SGPP2: variants seen among roughly 807,000 people sequenced by gnomAD.
SGPP2 encodes the protein sphingosine 1-phosphate phosphohydrolase 2.
A neutral mutation model predicts 33.9 loss-of-function variants in SGPP2; 30 were observed. That is an observed-to-expected ratio of 0.89 (90% CI 0.66 to 1.20). The LOEUF (loss-of-function observed/expected upper bound fraction) is 1.20. Ranked by LOEUF, SGPP2 falls within the 50% of genes most tolerant of loss-of-function variation. SGPP2 has a pLI of 0.00. For synonymous variants in SGPP2, 233 were observed against 225.0 expected (o/e 1.04, Z -0.32); for missense variants, 458 against 532.1 (o/e 0.86, Z 1.37).
intron 2 of SGPP2, among the ~76,000 whole-genome samples, chr2:222,518,445 A>G (rs1441781385): frequency 6.6e-6 from 1 of 152,166 alleles, no homozygotes; most frequent in East Asian, 1.9e-4. Flanking sequence ...TTAGGATGTG[A>G]GGATTTTAAG....
chr2:222,431,222 G>T (rs1431144409), intron 1 of SGPP2, among the ~76,000 whole-genome samples: 4 of 151,856 alleles, frequency 2.6e-5, no homozygotes. Flanking sequence ...GGCCAGGCAT[G>T]GTGGCTCTCT....
rs1013348929 is a variant in SGPP2 at position 222,477,327 on chromosome 2, GTC to G, written c.378+2603_378+2604del. On this transcript the variant is annotated intron_variant, in intron 2 of 4. Coordinates refer to ENST00000321276, the MANE Select transcript of SGPP2 (RefSeq NM_152386.4). This position sits in a 1 kb window ranked among gnomAD's most constrained non-coding sequence, Gnocchi z 6.0. ...TATATAGGTGTGAGTATATATGTGT[GTC>G]TATGTGTGTGTGTATAGGTGTGTAT... Among the ~76,000 whole-genome samples the G allele has an allele frequency of 1.2e-4, 17 of 145,512 alleles. No homozygotes were observed. Among genetic ancestry groups the G allele is most frequent in the African/African-American group, 1.9e-4 (7 of 37,316 alleles).
intron 2 of SGPP2, among the ~76,000 whole-genome samples, chr2:222,489,738 G>C (rs1443036323): frequency 6.6e-6 from 1 of 152,120 alleles, no homozygotes; most frequent in South Asian, 2.1e-4. Flanking sequence ...GGCCGAGGCA[G>C]GTGGATCACC....
intron 2 of SGPP2, among the ~76,000 whole-genome samples, chr2:222,514,894 C>G (rs950827988): frequency 6.6e-6 from 1 of 152,134 alleles, no homozygotes; most frequent in Non-Finnish European, 1.5e-5. Context: ...AACTTCAAAA[C>G]CACTTCCACA....
intron 2 of SGPP2, among the ~76,000 whole-genome samples, chr2:222,501,412 A>G (rs17563113): frequency 0.45 from 68,934 of 152,024 alleles, 18,595 homozygotes; most frequent in East Asian, 0.79. Flanking sequence ...GGTGACTTCT[A>G]GCTCTAACAG....
In SGPP2 at chr2:222,528,433, TA is replaced by T. The variant is rs567651232; in HGVS notation, c.648+3408del. Among the ~76,000 whole-genome samples, 155 of 151,464 alleles carry T rather than the reference TA, an allele frequency of 1.0e-3. 1 individual carries two copies. Among genetic ancestry groups the T allele is most frequent in the Non-Finnish European group, 1.8e-3 (121 of 67,896 alleles). Reference sequence around the variant, plus strand: ...AGTAAGTGTGCAATTACATTATGTCTAAAAAAAAGCAATGTACATATAATAT... The same window carrying T: ...AGTAAGTGTGCAATTACATTATGTCTAAAAAAAGCAATGTACATATAATAT... On this transcript the variant is annotated intron_variant, in intron 4 of 4. Transcript: ENST00000321276.
Position 222,424,676 on chromosome 2 carries a change from C to G in SGPP2, c.74C>G (p.Pro25Arg). 2 of 1,448,914 alleles carry G rather than the reference C, an allele frequency of 1.4e-6. No individual in the cohort carries two copies. The highest frequency in any genetic ancestry group is 1.8e-6 in the Non-Finnish European group (2 of 1,102,542). 89.8% of individuals were successfully genotyped at this position (1,448,914 alleles called of 1,614,324 possible). ...TTCCAGCGCCGCTGCGGGCTCTTCC[C>G]CGCTCCGGATGAAGGCCCCCGGGAG... Reference protein sequence around the residue: ...ARFQRRCGLFPAPDEGPRENG... With the variant: ...ARFQRRCGLFRAPDEGPRENG... Residue 25 changes from proline (P) to arginine (R), a missense_variant, in exon 1 of 5, where the codon CCC becomes CGC. Pro to Arg is a moderately radical substitution (Grantham distance 103, BLOSUM62 -2). Coordinates refer to ENST00000321276, the MANE Select transcript of SGPP2 (RefSeq NM_152386.4).
rs151054262 is a variant in SGPP2 at position 222,444,733 on chromosome 2, T to C, written c.219+19912T>C. Among the ~76,000 whole-genome samples, 434 of 152,226 alleles carry C rather than the reference T, an allele frequency of 2.9e-3. 4 individuals are homozygous for C. The highest frequency in any genetic ancestry group is 0.017 in the Middle Eastern group (5 of 294). On this transcript the variant is annotated intron_variant, in intron 1 of 4. Transcript: ENST00000321276. ...TTGCCTCCAAGACGCCTGATAGAAA[T>C]GTTAAGAGGATTTGAAACTTATCAA...
intron 1 of SGPP2, among the ~76,000 whole-genome samples, chr2:222,432,605 A>G: frequency 6.6e-6 from 1 of 152,262 alleles, no homozygotes; most frequent in East Asian, 1.9e-4. Flanking sequence ...AGACCCAGAC[A>G]TAAATGTTAG....
At chr2:222,542,411 T>C (rs1416183027) in intron 4 of SGPP2, among the ~76,000 whole-genome samples, 1 of 152,218 alleles carries the variant, frequency 6.6e-6, no homozygotes, top group African/African-American at 2.4e-5. Context: ...ATATGTACAT[T>C]TTCCTCTTGA....
intron 2 of SGPP2, among the ~76,000 whole-genome samples, chr2:222,492,231 C>G (rs1698208233): frequency 6.6e-6 from 1 of 152,190 alleles, no homozygotes; most frequent in African/African-American, 2.4e-5. Context: ...GGCTCCAACC[C>G]CACATTTCCT....
rs1689269322 is a variant in SGPP2 at position 222,550,237 on chromosome 2, A to G, written c.649-8110A>G. Among the ~76,000 whole-genome samples, 1 of 152,174 alleles carries G rather than the reference A, an allele frequency of 6.6e-6. No homozygotes were observed. The highest frequency in any genetic ancestry group is 1.5e-5 in the Non-Finnish European group (1 of 68,026). ...GGAGGAATGGTATATTGCTTATCATATAGATTCTTAGGGATATTTCTTTTT... is the reference window on the plus strand; with the variant it reads ...GGAGGAATGGTATATTGCTTATCATGTAGATTCTTAGGGATATTTCTTTTT... On this transcript the variant is annotated intron_variant, in intron 4 of 4. Transcript: ENST00000321276. The surrounding 1 kb of genome is among the most constrained non-coding windows in gnomAD (Gnocchi z 4.5).
chr2:222,558,651 C>T lies in SGPP2; in HGVS notation c.953C>T (p.Thr318Ile). ...PVIQNIPPLT[T>I]YMLVLGLTKF... ...ATTCAGAACATCCCACCACTCACCA[C>T]CTACATGTTAGTTTTGGGTCTGACC... Residue 318 changes from threonine to isoleucine, a missense_variant, in exon 5 of 5, where the codon ACC (threonine) becomes ATC (isoleucine). Thr to Ile is a moderately conservative substitution (Grantham distance 89, BLOSUM62 -1). Coordinates refer to ENST00000321276, the MANE Select transcript of SGPP2 (RefSeq NM_152386.4). The T allele has an allele frequency of 1.2e-6, 2 of 1,614,194 alleles. No homozygotes were observed. Among genetic ancestry groups the T allele is most frequent in the South Asian group, 1.1e-5 (1 of 91,088 alleles).
chr2:222,535,971 A>G (rs1043098622), intron 4 of SGPP2, among the ~76,000 whole-genome samples: 4 of 152,236 alleles, frequency 2.6e-5, no homozygotes, highest in African/African-American at 9.6e-5. Flanking sequence ...ACTTTTCCCA[A>G]ATAAATAAAA....
chr2:222,472,100 G>A (rs1203608073), intron 1 of SGPP2, among the ~76,000 whole-genome samples: 2 of 152,144 alleles, frequency 1.3e-5, no homozygotes. Flanking sequence ...CCATCATTGT[G>A]ATGGGTTAAC....
chr2:222,522,181 GAC>G (rs1170793302), intron 3 of SGPP2, among the ~76,000 whole-genome samples: 1 of 152,212 alleles, frequency 6.6e-6, no homozygotes, highest in African/African-American at 2.4e-5. Context: ...TATTAATAAT[GAC>G]ACCAGGACAA....
chr2:222,513,260 C>A (rs1307752474), intron 2 of SGPP2, among the ~76,000 whole-genome samples: 1 of 152,180 alleles, frequency 6.6e-6, no homozygotes, highest in Non-Finnish European at 1.5e-5. Context: ...GTTTTTAAAT[C>A]TTAGACAAAG....
rs190101503 is a variant in SGPP2 at position 222,454,832 on chromosome 2, C to T, written c.220-19736C>T. 7.4e-4 allele frequency among the ~76,000 whole-genome samples: 113 copies of T among 152,034 alleles called. 1 individual carries two copies. Among genetic ancestry groups the T allele is most frequent in the South Asian group, 3.1e-3 (15 of 4,808 alleles). On this transcript the variant is annotated intron_variant, in intron 1 of 4. Transcript: ENST00000321276. ...CAGGTATGTGTATTTTTCAAAGCTC[C>T]TTGGGTGTCATTAAGAACCCGTAGA...
rs529164127 is a variant in SGPP2, at chr2:222,465,855, C to T, written c.220-8713C>T. The stretch of plus-strand genomic sequence containing the variant: ...TTCACTAAGTGTTCTCTCTCTGACC[C>T]GCAGACCCTCAAAGAAGCAACACCT... On this transcript the variant is annotated intron_variant, in intron 1 of 4. Coordinates refer to ENST00000321276, the MANE Select transcript of SGPP2 (RefSeq NM_152386.4). The surrounding 1 kb of genome is among the most constrained non-coding windows in gnomAD (Gnocchi z 4.1). Among the ~76,000 whole-genome samples, 2 of 152,284 alleles carry T rather than the reference C, an allele frequency of 1.3e-5. No individual in the cohort carries two copies. Among genetic ancestry groups the T allele is most frequent in the East Asian group, 1.9e-4 (1 of 5,176 alleles).
Sources: gnomAD v4.1 joint callset for allele counts (sites outside exome capture counted in the v4.1 genomes callset) on GRCh38, gnomAD v4.1.1 for gene constraint, Gnocchi (gnomAD v3.1) non-coding constraint, MANE v1.5 for transcripts, NCBI Gene and HGNC (gene_info 2026-07-23, HGNC 2026-07-21) for gene names.